The following ZDHHC11B variants were observed in gnomAD, a reference collection of about 807,000 sequenced individuals.
ZDHHC11B encodes probable palmitoyltransferase ZDHHC11B.
ZDHHC11B carries 17 observed loss-of-function variants against 42.3 expected under a neutral mutation model. The observed-to-expected ratio is 0.40, with a 90% CI of 0.27 to 0.60. The LOEUF (loss-of-function observed/expected upper bound fraction) is 0.60. ZDHHC11B is among the 20% of genes least tolerant of loss of function. The pLI is 0.41. For synonymous variants in ZDHHC11B, 123 were observed against 193.5 expected (o/e 0.64, Z 3.02); for missense variants, 262 against 463.2 (o/e 0.57, Z 3.99).
chr5:723,093 G>C (rs1402647665), intron 12 of ZDHHC11B, among the ~76,000 whole-genome samples: 2 of 78,534 alleles, frequency 2.5e-5, no homozygotes, highest in Non-Finnish European at 4.6e-5. Flanking sequence ...CCCATCAACA[G>C]ATAAAGATGA....
intron 12 of ZDHHC11B, among the ~76,000 whole-genome samples, chr5:721,044 G>T (rs1463625945): frequency 6.6e-6 from 1 of 151,738 alleles, no homozygotes; most frequent in Non-Finnish European, 1.5e-5. Context: ...CCAGGAGTAG[G>T]AGGTTGCAGT....
intron 1 of ZDHHC11B, among the ~76,000 whole-genome samples, chr5:776,147 C>G (rs2150242225): frequency 6.6e-6 from 1 of 151,130 alleles, no homozygotes; most frequent in African/African-American, 2.4e-5. Flanking sequence ...TGCCCAGAGT[C>G]CCTGGAGACT....
intron 1 of ZDHHC11B, among the ~76,000 whole-genome samples, chr5:777,593 A>G (rs888777383): frequency 6.6e-6 from 1 of 151,822 alleles, no homozygotes; most frequent in African/African-American, 2.4e-5. Context: ...CCGTTATCTG[A>G]CCCCACCCAC....
At position 767,511 on chromosome 5, in the gene ZDHHC11B, G is replaced by A; in HGVS notation, c.-120C>T. ...GCATCGAAAGCGCAGTAGTGGCACT[G>A]GAGAGAAAGGTGACTGGGAGGAAGA... On this transcript the variant is annotated 5_prime_UTR_variant, in exon 3 of 14. Coordinates refer to ENST00000508859, the MANE Select transcript of ZDHHC11B (RefSeq NM_001351303.2). 3 of 1,477,718 alleles carry A rather than the reference G, an allele frequency of 2.0e-6. No individual in the cohort carries two copies. The highest frequency in any genetic ancestry group is 2.4e-5 in the South Asian group (2 of 84,440). 91.5% of individuals were successfully genotyped at this position (1,477,718 alleles called of 1,614,324 possible).
intron 12 of ZDHHC11B, among the ~76,000 whole-genome samples, chr5:722,938 T>A (rs1432592282): frequency 6.6e-6 from 1 of 151,300 alleles, no homozygotes; most frequent in Non-Finnish European, 1.5e-5. Context: ...AAAAAAAAAA[T>A]GAAAAAGTAT....
Position 713,655 on chromosome 5 carries a change from T to G in ZDHHC11B, c.*8-1373A>C, listed in dbSNP as rs536325573. Among the ~76,000 whole-genome samples the G allele has an allele frequency of 1.1e-4, 17 of 152,148 alleles. No homozygotes were observed. The East Asian group carries it at 2.5e-3, about 22-fold the overall frequency. On this transcript the variant is annotated intron_variant, in intron 13 of 13. Coordinates refer to ENST00000508859, the MANE Select transcript of ZDHHC11B (RefSeq NM_001351303.2). ...AATCACTCTCTATTAAATTCTCAGC[T>G]TGGGGACTTTTGGTCACCCACCTCA...
chr5:717,969 C>T (rs1328852478), intron 12 of ZDHHC11B, among the ~76,000 whole-genome samples: 1 of 151,732 alleles, frequency 6.6e-6, no homozygotes, highest in Non-Finnish European at 1.5e-5. Flanking sequence ...TCTTGGTAGA[C>T]ACAGAGAAGT....
Position 771,232 on chromosome 5 carries a change from C to T in ZDHHC11B, c.-229-2302G>A, listed in dbSNP as rs62332147. The stretch of plus-strand genomic sequence containing the variant: ...AGTCATGGCCAAAGTGTGGCTCTGT[C>T]ATCGTGGGGGTCCTGAGTGTGGCCC... On this transcript the variant is annotated intron_variant, in intron 1 of 13. Coordinates refer to ENST00000508859, the MANE Select transcript of ZDHHC11B (RefSeq NM_001351303.2). 3.9e-5 allele frequency among the ~76,000 whole-genome samples: 6 copies of T among 151,930 alleles called. 1 individual carries two copies. Among genetic ancestry groups the T allele is most frequent in the Admixed American group, 3.3e-4 (5 of 15,264 alleles).
At chr5:743,591 A>G (rs1230803627) in intron 9 of ZDHHC11B, among the ~76,000 whole-genome samples, 1 of 149,586 alleles carries the variant, frequency 6.7e-6, no homozygotes, top group Non-Finnish European at 1.5e-5. Flanking sequence ...TCTCTCAGTC[A>G]TGGTGTGTAG....
rs1421535279 is a variant in ZDHHC11B at position 784,700 on chromosome 5, C to T, written c.-262G>A. 1.9e-4 allele frequency among the ~76,000 whole-genome samples: 28 copies of T among 150,214 alleles called. No individual in the cohort carries two copies. The highest frequency in any genetic ancestry group is 3.3e-4 in the Admixed American group (5 of 15,146). On this transcript the variant is annotated 5_prime_UTR_variant, in exon 1 of 14. Coordinates refer to ENST00000508859, the MANE Select transcript of ZDHHC11B (RefSeq NM_001351303.2). ...ACGCAGCAACTGCAGCGGAGGCTCC[C>T]CCGCGACCCGGCCGCGCGCGACCAA...
In ZDHHC11B at chr5:745,999, G is replaced by A. The variant is rs1221665211; in HGVS notation, c.785-701C>T. Reference sequence around the variant, plus strand: ...GCAGTGCCCACAGGACAGCTCAGCAGGCCGGCCAGAGCCCTATCCACCTGG... The same window carrying A: ...GCAGTGCCCACAGGACAGCTCAGCAAGCCGGCCAGAGCCCTATCCACCTGG... On this transcript the variant is annotated intron_variant, in intron 8 of 13. Coordinates refer to ENST00000508859, the MANE Select transcript of ZDHHC11B (RefSeq NM_001351303.2). Among the ~76,000 whole-genome samples the A allele has an allele frequency of 2.7e-5, 4 of 150,020 alleles. 1 individual carries two copies. The highest frequency in any genetic ancestry group is 9.8e-5 in the African/African-American group (4 of 40,852).
intron 8 of ZDHHC11B, among the ~76,000 whole-genome samples, chr5:746,704 C>A (rs1485653385): frequency 1.3e-5 from 2 of 150,462 alleles, no homozygotes; most frequent in African/African-American, 4.9e-5. Context: ...ATTCTTCATC[C>A]TCTCCCCGCA....
chr5:736,461 AC>A (rs1247206201), intron 10 of ZDHHC11B, among the ~76,000 whole-genome samples: 2 of 149,706 alleles, frequency 1.3e-5, no homozygotes, highest in African/African-American at 4.9e-5. Context: ...ATATCCTAGA[AC>A]AAAAGGACTT....
chr5:727,254 G>A (rs1204216881), intron 12 of ZDHHC11B, among the ~76,000 whole-genome samples: 1 of 127,944 alleles, frequency 7.8e-6, no homozygotes, highest in African/African-American at 2.7e-5. Flanking sequence ...GAGCTTCTGG[G>A]GCAACTCAGG....
chr5:733,287 A>G (rs1743182925), intron 11 of ZDHHC11B, among the ~76,000 whole-genome samples: 2 of 151,578 alleles, frequency 1.3e-5, no homozygotes, highest in South Asian at 4.2e-4. Context: ...CACACACCAT[A>G]CACTTGTACG....
intron 10 of ZDHHC11B, among the ~76,000 whole-genome samples, chr5:738,775 T>G (rs1480778067): frequency 6.7e-6 from 1 of 150,234 alleles, no homozygotes; most frequent in Non-Finnish European, 1.5e-5. Flanking sequence ...CCTCACACCT[T>G]TTACAAACAT....
rs1736014147 is a variant in ZDHHC11B, at chr5:771,314, G to T, written c.-229-2384C>A. ...AAAACAGCCGGAAAAAAATCCAGGG[G>T]CACTCCCTACACTGAAGACCTTAAG... On this transcript the variant is annotated intron_variant, in intron 1 of 13. Coordinates refer to ENST00000508859, the MANE Select transcript of ZDHHC11B (RefSeq NM_001351303.2). Among the ~76,000 whole-genome samples the T allele has an allele frequency of 6.6e-5, 10 of 151,832 alleles. No homozygotes were observed. In the South Asian group the frequency reaches 1.9e-3, roughly 29 times the overall value.
intron 12 of ZDHHC11B, 83 bp from the exon 13 acceptor site, chr5:716,948 A>C: frequency 1.3e-6 from 2 of 1,584,474 alleles, no homozygotes; most frequent in Admixed American, 1.7e-5. Flanking sequence ...CAAAATGTGT[A>C]AACAAGAGTA....
rs1173283679 is a variant in ZDHHC11B, at chr5:743,476, TG to T, written c.900+1706del. On this transcript the variant is annotated intron_variant, in intron 9 of 13. Coordinates refer to ENST00000508859, the MANE Select transcript of ZDHHC11B (RefSeq NM_001351303.2). ...GCCTGCTGGGGTTCAGCAGGGATTG[TG>T]GTAAATCTGTAGATAAGTTTTGGGG... Among the ~76,000 whole-genome samples the T allele has an allele frequency of 2.7e-5, 4 of 148,186 alleles. No homozygotes were observed. In the East Asian group the frequency reaches 8.4e-4, roughly 31 times the overall value.
Sources: gnomAD v4.1 joint callset for allele counts (sites outside exome capture counted in the v4.1 genomes callset) on GRCh38, gnomAD v4.1.1 for gene constraint, MANE v1.5 for transcripts, NCBI Gene and HGNC (gene_info 2026-07-23, HGNC 2026-07-21) for gene names.